The following PRKCA variants were observed in gnomAD, a reference collection of about 807,000 sequenced individuals.
The protein encoded by PRKCA is protein kinase C alpha.
In PRKCA, 27 loss-of-function variants were observed where a neutral mutation model predicts 87.0. That is an observed-to-expected ratio of 0.31 (90% confidence interval 0.23 to 0.43). PRKCA has a LOEUF of 0.43. Ranked by LOEUF, PRKCA falls within the 20% of genes least tolerant of loss-of-function variation. The pLI, the probability that PRKCA is intolerant of heterozygous loss-of-function variation, is 1.00. For synonymous variants in PRKCA, 329 were observed against 311.1 expected, an observed-to-expected ratio of 1.06 and a Z score of -0.61; for missense variants, 518 against 852.3, an observed-to-expected ratio of 0.61 and a Z score of 4.88.
At chr17:66,327,200 AC>A (rs1216978691) in intron 2 of PRKCA, among the ~76,000 whole-genome samples, 1 of 151,986 alleles carries the variant, frequency 6.6e-6, no homozygotes, top group Non-Finnish European at 1.5e-5. Context: ...CCCCGTCTCT[AC>A]TAAAAAATAC....
rs551685186 is a variant in PRKCA at position 66,630,398 on chromosome 17, G to A, written c.289-10957G>A. 3.2e-3 allele frequency among the ~76,000 whole-genome samples: 486 copies of A among 152,296 alleles called. 3 individuals are homozygous for A. Among genetic ancestry groups the A allele is most frequent in the African/African-American group, 0.011 (463 of 41,560 alleles). ...TTCCCTTACCTCTCTGATGATCATA[G>A]GTCCTACCCATTGCTATGTGACTTG... is the stretch of plus-strand genomic sequence containing the variant. On this transcript the variant is annotated intron_variant, in intron 3 of 16. Transcript: ENST00000413366.
intron 2 of PRKCA, among the ~76,000 whole-genome samples, chr17:66,378,187 G>A (rs1268233462): frequency 6.6e-6 from 1 of 152,120 alleles, no homozygotes; most frequent in Admixed American, 6.5e-5. Context: ...GCTGGCTGTG[G>A]TGGCGTGTGC....
chr17:66,569,749 G>A (rs376991412), intron 3 of PRKCA, among the ~76,000 whole-genome samples: 18 of 152,136 alleles, frequency 1.2e-4, no homozygotes, highest in African/African-American at 2.9e-4. Flanking sequence ...ACCAGCAGTC[G>A]TAAGAAAGAA....
At chr17:66,546,658 C>T (rs923119592) in intron 3 of PRKCA, among the ~76,000 whole-genome samples, 2 of 152,104 alleles carry the variant, frequency 1.3e-5, no homozygotes, top group Admixed American at 1.3e-4. Flanking sequence ...TACCCTAATC[C>T]AATATTGGCC....
chr17:66,387,177 CCTTTT>C lies in PRKCA; in HGVS notation c.205+81052_205+81056del, dbSNP rs1291931277. Among the ~76,000 whole-genome samples the C allele has an allele frequency of 5.3e-5, 8 of 152,278 alleles. No individual in the cohort carries two copies. The East Asian group carries it at 1.5e-3, about 29-fold the overall frequency. ...AGGAAAACATTCCTAGATTAATGTT[CCTTTT>C]CACTGGGTAGGGCTAGAGGGCAACT... On this transcript the variant is annotated intron_variant, in intron 2 of 16. Transcript: ENST00000413366.
intron 2 of PRKCA, among the ~76,000 whole-genome samples, chr17:66,377,719 ATATTTTTT>A (rs1909537526): frequency 5.4e-5 from 2 of 37,176 alleles, no homozygotes; most frequent in African/African-American, 1.2e-4. Flanking sequence ...ATATATATAT[ATATTTTTT>A]TTTTTTTTTT....
intron 2 of PRKCA, among the ~76,000 whole-genome samples, chr17:66,312,936 G>A (rs1192698814): frequency 5.3e-5 from 8 of 151,726 alleles, no homozygotes; most frequent in Admixed American, 3.9e-4. Flanking sequence ...ACGGGGTGTC[G>A]CCATGTTGGT....
chr17:66,626,940 T>C (rs1190353632), intron 3 of PRKCA, among the ~76,000 whole-genome samples: 1 of 152,202 alleles, frequency 6.6e-6, no homozygotes, highest in Non-Finnish European at 1.5e-5. Context: ...TCCACAGAAA[T>C]GCACTTAAAT....
intron 10 of PRKCA, among the ~76,000 whole-genome samples, chr17:66,737,196 C>CAAA (rs59025976): frequency 0.11 from 13,294 of 124,996 alleles, 739 homozygotes; most frequent in East Asian, 0.26. Flanking sequence ...ACTAAATATA[C>CAAA]AAAAAAAAAA....
rs1003029711 is a variant in PRKCA, at chr17:66,756,352, G to T, written c.1524+13592G>T. Among the ~76,000 whole-genome samples the T allele has an allele frequency of 5.9e-5, 9 of 151,980 alleles. No homozygotes were observed. In the East Asian group the frequency reaches 1.6e-3, roughly 26 times the overall value. On this transcript the variant is annotated intron_variant, in intron 13 of 16. Transcript: ENST00000413366. ...CCATCCTCTCCCACCCAAGAGGAGA[G>T]GGGGGAGACCAAGAAGCACTTGTGA...
chr17:66,554,136 C>T (rs1226673545), intron 3 of PRKCA, among the ~76,000 whole-genome samples: 1 of 152,004 alleles, frequency 6.6e-6, no homozygotes, highest in Non-Finnish European at 1.5e-5. Flanking sequence ...TTTTTGCTGG[C>T]CAGGTATGGT....
chr17:66,383,549 A>T (rs1228737692), intron 2 of PRKCA, among the ~76,000 whole-genome samples: 1 of 152,198 alleles, frequency 6.6e-6, no homozygotes, highest in Non-Finnish European at 1.5e-5. Flanking sequence ...AAAGGCTCTG[A>T]GAGTTATTCT....
At chr17:66,798,408 TGGTGATGGTGGTGGTGGTGGTGGTGAC>T (rs1975728597) in intron 16 of PRKCA, among the ~76,000 whole-genome samples, 2 of 47,436 alleles carry the variant, frequency 4.2e-5, no homozygotes, top group African/African-American at 2.1e-4. Flanking sequence ...GTGGTGGTGA[TGGTGATGGTGGTGGTGGTGGTGGTGAC>T]GGTGGTGGTG....
intron 2 of PRKCA, among the ~76,000 whole-genome samples, chr17:66,331,077 A>G (rs1483663457): frequency 2.0e-5 from 3 of 152,168 alleles, no homozygotes; most frequent in African/African-American, 7.2e-5. Flanking sequence ...TGCTTTTGGG[A>G]TGATGTGCAG....
chr17:66,420,303 C>G (rs1413032228), intron 2 of PRKCA, among the ~76,000 whole-genome samples: 1 of 152,100 alleles, frequency 6.6e-6, no homozygotes, highest in Non-Finnish European at 1.5e-5. Flanking sequence ...ACCACCACAC[C>G]TGGCCAGGGG....
intron 2 of PRKCA, among the ~76,000 whole-genome samples, chr17:66,400,862 C>A (rs4561502): frequency 0.58 from 88,456 of 152,030 alleles, 26,221 homozygotes; most frequent in Non-Finnish European, 0.65. Context: ...TGGTTATAAA[C>A]GAATATTGTG....
intron 3 of PRKCA, among the ~76,000 whole-genome samples, chr17:66,540,986 G>A (rs1967965698): frequency 6.6e-6 from 1 of 152,116 alleles, no homozygotes. Flanking sequence ...CAAGTATTTG[G>A]TAGAACCCTA....
chr17:66,455,094 C>A (rs1055199188), intron 2 of PRKCA, among the ~76,000 whole-genome samples: 9 of 152,158 alleles, frequency 5.9e-5, no homozygotes, highest in Non-Finnish European at 1.0e-4. Flanking sequence ...CTTATTTTTC[C>A]CAGATGAGGA....
chr17:66,474,825 G>A (rs745403777), intron 2 of PRKCA, among the ~76,000 whole-genome samples: 3 of 152,118 alleles, frequency 2.0e-5, no homozygotes, highest in African/African-American at 7.2e-5. Flanking sequence ...AACCTCGGTC[G>A]TGTAGAGTAT....
Sources: allele counts gnomAD v4.1 joint callset (sites outside exome capture counted in the v4.1 genomes callset), GRCh38; gene constraint gnomAD v4.1.1; transcripts MANE v1.5; gene names NCBI Gene and HGNC (gene_info 2026-07-23, HGNC 2026-07-21).